Variants in SAXO2 observed in about 807,000 individuals in gnomAD.
SAXO2 encodes the protein stabilizer of axonemal microtubules 2.
A neutral mutation model predicts 18.7 loss-of-function variants in SAXO2; 17 were observed. The ratio of observed to expected loss-of-function variants is 0.91; its 90% CI spans 0.62 to 1.36. SAXO2 has a LOEUF of 1.36. Among genes scored for constraint, SAXO2 ranks in the 40% most tolerant of loss-of-function variants. SAXO2 has a pLI of 0.00. For missense variants in SAXO2, 486 were observed against 562.6 expected (o/e 0.86, Z 1.38); for synonymous variants, 163 against 181.2 (o/e 0.90, Z 0.81).
chr15:82,265,570 C>G lies in SAXO2; in HGVS notation c.55C>G (p.Arg19Gly). 3 of 1,326,350 alleles carry G rather than the reference C, an allele frequency of 2.3e-6. No homozygotes were observed. Among genetic ancestry groups the G allele is most frequent in the Non-Finnish European group, 2.9e-6 (3 of 1,040,196 alleles). 82.2% of individuals were successfully genotyped at this position (1,326,350 alleles called of 1,614,324 possible). The part of the protein sequence containing the change: ...WCLCQICSCG[R>G]HHCPRGTTRI... ...TCTTTCAGTTTATTTTTTGCACAGGCGACATCATTGTCCACGTGGAACCAC... is the reference window on the plus strand; with the variant it reads ...TCTTTCAGTTTATTTTTTGCACAGGGGACATCATTGTCCACGTGGAACCAC... The change falls in exon 2 of 4, where the codon CGA becomes GGA. Residue 19 changes from arginine (R) to glycine (G), a missense_variant and splice_region_variant. Physicochemically the swap from Arg to Gly is moderately radical, Grantham distance 125 (BLOSUM62 -2). Transcript: ENST00000682753.
chr15:82,282,609 C>T lies in SAXO2; in HGVS notation c.924C>T (p.Asn308=). The part of the protein sequence containing the change: ...YVPPTGSMLL[N]STSHLDYVPY... ...CTCCTACAGGTAGCATGCTGTTAAA[C>T]AGCACAAGCCATCTTGACTATGTTC... Residue 308 remains asparagine, a synonymous_variant, in exon 4 of 4, where the codon AAC becomes AAT. Coordinates refer to ENST00000682753, the MANE Select transcript of SAXO2 (RefSeq NM_001348699.2). 1 of 1,614,198 alleles carries T rather than the reference C, an allele frequency of 6.2e-7. No individual in the cohort carries two copies.
chr15:82,282,061 G>A, intron 3 of SAXO2, 58 bp from the exon 4 acceptor site: 2 of 1,379,936 alleles, frequency 1.4e-6, no homozygotes, highest in South Asian at 2.8e-5. Context: ...ATGATTTTTA[G>A]AAGATGGTTG....
chr15:82,270,894 C>T (rs1238616624), intron 2 of SAXO2, among the ~76,000 whole-genome samples: 1 of 152,116 alleles, frequency 6.6e-6, no homozygotes, highest in Non-Finnish European at 1.5e-5. Context: ...GGATTTGGAC[C>T]TAGGTGGCCT....
chr15:82,263,249 C>G (rs1482499252), intron 1 of SAXO2: 2 of 1,467,114 alleles, frequency 1.4e-6, no homozygotes, highest in African/African-American at 2.8e-5. Flanking sequence ...GGATGTGATC[C>G]GACTGGGAGA....
intron 1 of SAXO2, chr15:82,264,698 C>A (rs2075196632): frequency 2.8e-6 from 2 of 702,376 alleles, no homozygotes; most frequent in Non-Finnish European, 5.2e-6. Flanking sequence ...GGAGCCACTG[C>A]CTCTGCCATA....
Position 82,282,917 on chromosome 15 carries a change from C to T in SAXO2, c.1232C>T (p.Thr411Ile). 6.2e-7 allele frequency: 1 copy of T among 1,614,068 alleles called. No individual in the cohort carries two copies. Among genetic ancestry groups the T allele is most frequent in the Non-Finnish European group, 8.5e-7 (1 of 1,179,974 alleles). The change falls in exon 4 of 4, where the codon ACC becomes ATC. Residue 411 changes from threonine (T) to isoleucine (I), a missense_variant. Physicochemically the swap from Thr to Ile is moderately conservative, Grantham distance 89. Coordinates refer to ENST00000682753, the MANE Select transcript of SAXO2 (RefSeq NM_001348699.2). The stretch of plus-strand genomic sequence containing the variant: ...AGTTCTGTTCCATTTGATGATGTAA[C>T]CATGTACTCTGTAGAGTACACACCG... ...FKSSVPFDDV[T>I]MYSVEYTPKR...
At chr15:82,278,133 T>C (rs989851837) in intron 3 of SAXO2, among the ~76,000 whole-genome samples, 2 of 152,100 alleles carry the variant, frequency 1.3e-5, no homozygotes, top group Admixed American at 6.6e-5. Flanking sequence ...TGAAGATGTA[T>C]TGCAACTTGA....
rs149445041 is a variant in SAXO2 at position 82,271,719 on chromosome 15, A to G, written c.350A>G (p.Tyr117Cys). The G allele has an allele frequency of 1.1e-3, 1,821 of 1,614,186 alleles. 10 individuals are homozygous for G. Among genetic ancestry groups the G allele is most frequent in the South Asian group, 6.2e-3 (563 of 91,090 alleles). ...GTTYKRDLNSYKVQPVAIVRP... is the reference protein window; with the variant it reads ...GTTYKRDLNSCKVQPVAIVRP... The stretch of plus-strand genomic sequence containing the variant: ...ACCTACAAACGGGATTTGAATTCGT[A>G]TAAAGTGCAGCCTGTGGCAATAGTC... Residue 117 changes from tyrosine (Y) to cysteine (C), a missense_variant, in exon 3 of 4, where the codon TAT becomes TGT. Physicochemically the swap from Tyr to Cys is radical, Grantham distance 194. Coordinates refer to ENST00000682753, the MANE Select transcript of SAXO2 (RefSeq NM_001348699.2).
chr15:82,282,581 TGC>T lies in SAXO2; in HGVS notation c.897_898del (p.Pro300SerfsTer4), dbSNP rs575653572. ...GAGGTCAAGAAAGTACCAGAGTATG[TGC>T]CTCCTACAGGTAGCATGCTGTTAAA... is the stretch of plus-strand genomic sequence containing the variant. On this transcript the variant is annotated frameshift_variant, in exon 4 of 4. Transcript: ENST00000682753. LOFTEE classifies it low-confidence loss of function (END_TRUNC). 120 of 1,614,206 alleles carry T rather than the reference TGC, an allele frequency of 7.4e-5. No individual in the cohort carries two copies. In the African/African-American group the frequency reaches 1.4e-3, roughly 19 times the overall value.
chr15:82,282,949 C>G lies in SAXO2; in HGVS notation c.1264C>G (p.Gln422Glu). ...MYSVEYTPKR[Q>E]EICPASYPSP... Reference sequence around the variant, plus strand: ...CTCTGTAGAGTACACACCGAAAAGACAGGAAATTTGCCCAGCCAGCTATCC... The same window carrying G: ...CTCTGTAGAGTACACACCGAAAAGAGAGGAAATTTGCCCAGCCAGCTATCC... Residue 422 changes from glutamine (Q) to glutamate (E), a missense_variant, in exon 4 of 4, where the codon CAG (glutamine) becomes GAG (glutamate). Physicochemically the swap from Gln to Glu is conservative, Grantham distance 29 (BLOSUM62 2). Transcript: ENST00000682753. 1 of 1,613,998 alleles carries G rather than the reference C, an allele frequency of 6.2e-7. No homozygotes were observed.
intron 3 of SAXO2, among the ~76,000 whole-genome samples, chr15:82,281,908 A>G (rs1449863439): frequency 6.6e-6 from 1 of 152,050 alleles, no homozygotes; most frequent in Non-Finnish European, 1.5e-5. Context: ...AGTTACATGT[A>G]TTAAAGTGAG....
rs2075395646 is a variant in SAXO2 at position 82,284,668 on chromosome 15, C to T, written c.*1606C>T. ...TAAAAATTTCCGAATGAATTAAACTCTTATTGGGTGGTTTCTTTTTTTAAA... is the reference window on the plus strand; with the variant it reads ...TAAAAATTTCCGAATGAATTAAACTTTTATTGGGTGGTTTCTTTTTTTAAA... On this transcript the variant is annotated 3_prime_UTR_variant, in exon 4 of 4. Coordinates refer to ENST00000682753, the MANE Select transcript of SAXO2 (RefSeq NM_001348699.2). 6.6e-6 allele frequency: 1 copy of T among 152,084 alleles called. No homozygotes were observed. The highest frequency in any genetic ancestry group is 2.1e-4 in the South Asian group (1 of 4,822). The allele number at this position is 152,084 out of a possible 1,614,324, so 9.4% of individuals were successfully genotyped here.
chr15:82,265,295 C>G (rs2075205468), intron 1 of SAXO2, among the ~76,000 whole-genome samples: 1 of 152,152 alleles, frequency 6.6e-6, no homozygotes, highest in African/African-American at 2.4e-5. Context: ...GTACCCGCCA[C>G]CACGCCTGGC....
At chr15:82,264,390 AAAAG>A (rs1031369778) in intron 1 of SAXO2, among the ~76,000 whole-genome samples, 2 of 151,886 alleles carry the variant, frequency 1.3e-5, no homozygotes, top group Non-Finnish European at 2.9e-5. Context: ...TTTTAACAAA[AAAAG>A]AGAATATTCT....
intron 1 of SAXO2, chr15:82,264,601 A>G (rs1461182426): frequency 1.4e-6 from 1 of 701,396 alleles, no homozygotes; most frequent in East Asian, 2.7e-5. Context: ...ATTAAGGAGT[A>G]TATATATAGT....
At chr15:82,280,495 GA>G (rs1007587580) in intron 3 of SAXO2, among the ~76,000 whole-genome samples, 1 of 145,588 alleles carries the variant, frequency 6.9e-6, no homozygotes, top group Admixed American at 6.9e-5. Flanking sequence ...GGTACCTCAA[GA>G]AAAAAAAAAG....
At position 82,277,003 on chromosome 15, in the gene SAXO2, T is replaced by A. The variant is rs552206581; in HGVS notation, c.434-5116T>A. On this transcript the variant is annotated intron_variant, in intron 3 of 3. Transcript: ENST00000682753. ...ATAAAAGTAAATTATGTTAGAACAGTAGTACAAAAGGCAAGAGGATTTAAA... is the reference window on the plus strand; with the variant it reads ...ATAAAAGTAAATTATGTTAGAACAGAAGTACAAAAGGCAAGAGGATTTAAA... Among the ~76,000 whole-genome samples the A allele has an allele frequency of 7.4e-4, 113 of 152,300 alleles. 1 individual carries two copies. The highest frequency in any genetic ancestry group is 2.5e-3 in the African/African-American group (106 of 41,578).
chr15:82,274,715 A>C (rs933039910), intron 3 of SAXO2, among the ~76,000 whole-genome samples: 2 of 151,806 alleles, frequency 1.3e-5, no homozygotes, highest in African/African-American at 4.8e-5. Context: ...AAAAAAAAAA[A>C]AAAGTATTTG....
chr15:82,265,385 G>A (rs1372421027), intron 1 of SAXO2, among the ~76,000 whole-genome samples, 184 bp from the exon 2 acceptor site: 2 of 152,190 alleles, frequency 1.3e-5, no homozygotes, highest in African/African-American at 2.4e-5. Flanking sequence ...TTTGGGATCC[G>A]CCTGCCTTGG....
Sources: allele counts gnomAD v4.1 joint callset (sites outside exome capture counted in the v4.1 genomes callset), GRCh38; gene constraint gnomAD v4.1.1; transcripts MANE v1.5; gene names NCBI Gene and HGNC (gene_info 2026-07-23, HGNC 2026-07-21).